Variants in ORC4 observed in about 807,000 individuals in gnomAD.
ORC4 encodes origin recognition complex subunit 4.
In ORC4, 55 loss-of-function variants were observed where a neutral mutation model predicts 63.9. That is an observed-to-expected ratio of 0.86 (90% CI 0.69 to 1.08). ORC4 has a LOEUF of 1.08. Ranked by LOEUF, ORC4 falls within the 50% of genes least tolerant of loss-of-function variation. The pLI, the probability that ORC4 is intolerant of heterozygous loss-of-function variation, is 0.00. For synonymous variants in ORC4, 150 were observed against 168.5 expected (o/e 0.89, Z 0.85); for missense variants, 511 against 504.4 (o/e 1.01, Z -0.13).
chr2:148,010,769 A>AACTAACAT, intron 1 of ORC4, among the ~76,000 whole-genome samples: 1 of 152,048 alleles, frequency 6.6e-6, no homozygotes, highest in East Asian at 1.9e-4. Context: ...TTTAAAGAAG[A>AACTAACAT]ACTAACATCA....
At position 147,933,750 on chromosome 2, in the gene ORC4, A is replaced by G. The variant is rs1047647053; in HGVS notation, c.*1760T>C. ...TAAGTGTAAAATTCTTGCTTCTAGT[A>G]TATAATAGTGATGTTACCATGTCAA... On this transcript the variant is annotated 3_prime_UTR_variant, in exon 14 of 14. Transcript: ENST00000392857. The G allele has an allele frequency of 6.6e-6, 1 of 152,142 alleles. No homozygotes were observed. The highest frequency in any genetic ancestry group is 2.4e-5 in the African/African-American group (1 of 41,454). The allele number at this position is 152,142 out of a possible 1,614,324, so 9.4% of individuals were successfully genotyped here.
At chr2:147,963,773 C>T (rs574366360) in intron 4 of ORC4, among the ~76,000 whole-genome samples, 86 of 152,264 alleles carry the variant, frequency 5.6e-4, no homozygotes, top group African/African-American at 1.9e-3. Flanking sequence ...AAACCCACCC[C>T]TTGCAAAGCT....
chr2:147,988,981 T>C (rs1365631994), intron 1 of ORC4, among the ~76,000 whole-genome samples: 2 of 152,176 alleles, frequency 1.3e-5, no homozygotes, highest in Non-Finnish European at 2.9e-5. Context: ...TAAACATAAC[T>C]TTTTATTCTA....
chr2:147,986,640 T>A (rs1389506083), intron 1 of ORC4, among the ~76,000 whole-genome samples: 1 of 152,192 alleles, frequency 6.6e-6, no homozygotes, highest in Admixed American at 6.5e-5. Flanking sequence ...TATAGCCTTA[T>A]CAAATAAGAA....
intron 7 of ORC4, 81 bp from the exon 8 acceptor site, chr2:147,952,605 G>C: frequency 8.7e-7 from 1 of 1,145,820 alleles, no homozygotes; most frequent in Non-Finnish European, 1.3e-6. Context: ...CTATATTTCA[G>C]TTTTTAAAAC....
At chr2:147,995,856 G>A (rs1359525053) in intron 1 of ORC4, among the ~76,000 whole-genome samples, 2 of 152,050 alleles carry the variant, frequency 1.3e-5, no homozygotes, top group African/African-American at 4.8e-5. Context: ...TCAGCGAGAC[G>A]AAGAACCCAA....
At chr2:148,011,403 ATCT>A (rs1692960222) in intron 1 of ORC4, among the ~76,000 whole-genome samples, 1 of 152,206 alleles carries the variant, frequency 6.6e-6, no homozygotes, top group Non-Finnish European at 1.5e-5. Context: ...TGCCAAAAAA[ATCT>A]TTTTTGATAA....
At chr2:148,009,645 A>G (rs1692833368) in intron 1 of ORC4, among the ~76,000 whole-genome samples, 1 of 152,200 alleles carries the variant, frequency 6.6e-6, no homozygotes. Flanking sequence ...TCAACAGCCC[A>G]CTTTCACCAT....
At chr2:147,943,091 G>T (rs1055299399) in intron 10 of ORC4, among the ~76,000 whole-genome samples, 1 of 152,082 alleles carries the variant, frequency 6.6e-6, no homozygotes, top group Non-Finnish European at 1.5e-5. Flanking sequence ...GCTATAAAAT[G>T]CTGATGAAAG....
At chr2:147,963,385 A>G (rs1050374851) in intron 4 of ORC4, among the ~76,000 whole-genome samples, 18 of 152,134 alleles carry the variant, frequency 1.2e-4, no homozygotes, top group Admixed American at 7.2e-4. Flanking sequence ...GCAGTGTCAC[A>G]GGCCTGAGAA....
intron 1 of ORC4, among the ~76,000 whole-genome samples, chr2:148,011,382 A>G (rs1692958409): frequency 6.6e-6 from 1 of 152,206 alleles, no homozygotes; most frequent in African/African-American, 2.4e-5. Flanking sequence ...GTGTATTGTC[A>G]TTTCAATAGA....
At chr2:147,984,009 G>GACT (rs1418661106) in intron 1 of ORC4, among the ~76,000 whole-genome samples, 14 of 152,172 alleles carry the variant, frequency 9.2e-5, no homozygotes, top group African/African-American at 3.4e-4. Flanking sequence ...GAATATACAA[G>GACT]ACTACTCTTG....
At chr2:147,990,062 G>A (rs906920963) in intron 1 of ORC4, among the ~76,000 whole-genome samples, 1 of 152,070 alleles carries the variant, frequency 6.6e-6, no homozygotes, top group Non-Finnish European at 1.5e-5. Context: ...AGAAAACACC[G>A]AAAACAATAC....
chr2:148,014,485 A>G (rs1289987178), intron 1 of ORC4, among the ~76,000 whole-genome samples: 1 of 152,156 alleles, frequency 6.6e-6, no homozygotes, highest in Non-Finnish European at 1.5e-5. Context: ...GGACTCATAT[A>G]TTCCTATAAT....
intron 7 of ORC4, 135 bp downstream of exon 7, chr2:147,955,212 C>T: frequency 1.6e-6 from 1 of 644,276 alleles, no homozygotes; most frequent in Admixed American, 2.8e-5. Context: ...ATACAGTGAA[C>T]ATTGTATTCT....
chr2:148,013,290 T>C (rs1443109858), intron 1 of ORC4, among the ~76,000 whole-genome samples: 4 of 152,134 alleles, frequency 2.6e-5, no homozygotes, highest in African/African-American at 9.6e-5. Flanking sequence ...AATATGGATG[T>C]GACTGACATT....
intron 1 of ORC4, among the ~76,000 whole-genome samples, chr2:148,011,344 A>C (rs996368697): frequency 7.9e-5 from 12 of 152,232 alleles, no homozygotes; most frequent in African/African-American, 1.4e-4. Flanking sequence ...AGTGTGATAC[A>C]TGGTATCAAC....
At chr2:147,944,070 T>C (rs1010818060) in intron 9 of ORC4, among the ~76,000 whole-genome samples, 3 of 152,020 alleles carry the variant, frequency 2.0e-5, no homozygotes, top group African/African-American at 7.2e-5. Flanking sequence ...AAAACCTAAC[T>C]GGAGGTAGCT....
At chr2:148,008,789 C>T (rs1035189871) in intron 1 of ORC4, among the ~76,000 whole-genome samples, 7 of 152,202 alleles carry the variant, frequency 4.6e-5, no homozygotes, top group Non-Finnish European at 8.8e-5. Context: ...ATTAGAACCC[C>T]TTCCCATCCC....
Sources: gnomAD v4.1 joint callset for allele counts (sites outside exome capture counted in the v4.1 genomes callset) on GRCh38, gnomAD v4.1.1 for gene constraint, MANE v1.5 for transcripts, NCBI Gene and HGNC (gene_info 2026-07-23, HGNC 2026-07-21) for gene names.